Variants in TBL1X observed in about 807,000 individuals in gnomAD.
The protein encoded by TBL1X is transducin beta like 1 X-linked.
TBL1X carries 10 observed loss-of-function variants against 50.7 expected under a neutral mutation model. The ratio of observed to expected loss-of-function variants is 0.20; its 90% CI spans 0.12 to 0.33. TBL1X has a LOEUF of 0.33. Ranked by LOEUF, TBL1X falls within the 10% of genes least tolerant of loss-of-function variation. The probability of loss-of-function intolerance (pLI) is 1.00; values close to 1 mark genes in which losing one functional copy is unlikely to be tolerated. For synonymous variants in TBL1X, 190 were observed against 214.7 expected (o/e 0.88, Z 1.01); for missense variants, 340 against 504.4 (o/e 0.67, Z 3.12).
At chrX:9,561,088 A>G (rs1035541074) in intron 2 of TBL1X, among the ~76,000 whole-genome samples, 11 of 111,632 alleles carry the variant, frequency 9.9e-5, no homozygotes, top group African/African-American at 3.6e-4. Context: ...CTGTCTGTGT[A>G]GGCTAGAACA....
rs765757640 is a variant in TBL1X, at chrX:9,690,899, C to CTTG, written c.617-659_617-657dup. On this transcript the variant is annotated intron_variant, in intron 7 of 17. Transcript: ENST00000645353. Reference sequence around the variant, plus strand: ...GTGCACCACCAGGGCTGGCTAACTTCTTGTTGTTGTTGTTGTTGTTGTTTT... The same window carrying CTTG: ...GTGCACCACCAGGGCTGGCTAACTTCTTGTTGTTGTTGTTGTTGTTGTTGTTTT... Among the ~76,000 whole-genome samples the CTTG allele has an allele frequency of 8.5e-3, 937 of 110,295 alleles. 15 individuals are homozygous for CTTG. The highest frequency in any genetic ancestry group is 0.028 in the African/African-American group (855 of 30,246).
Position 9,597,441 on chromosome X carries a change from C to A in TBL1X, c.-130-42832C>A, listed in dbSNP as rs912016044. ...AAGTTCCTTTTGACTCTGCAGAAGTCTTTACCTTTCATCTCCTTTCTGAAA... is the reference window on the plus strand; with the variant it reads ...AAGTTCCTTTTGACTCTGCAGAAGTATTTACCTTTCATCTCCTTTCTGAAA... On this transcript the variant is annotated intron_variant, in intron 2 of 17. Transcript: ENST00000645353. Among the ~76,000 whole-genome samples, 5 of 111,645 alleles carry A rather than the reference C, an allele frequency of 4.5e-5. No individual in the cohort carries two copies. In the Admixed American group the frequency reaches 4.7e-4, roughly 11 times the overall value.
chrX:9,497,202 G>A (rs1281103194), intron 1 of TBL1X, among the ~76,000 whole-genome samples: 1 of 109,893 alleles, frequency 9.1e-6, no homozygotes, highest in African/African-American at 3.3e-5. Context: ...TGAGCCCAGG[G>A]GTTTGAGACC....
intron 3 of TBL1X, among the ~76,000 whole-genome samples, chrX:9,648,257 CATAAG>C (rs992102792): frequency 2.1e-5 from 2 of 93,936 alleles, no homozygotes; most frequent in Non-Finnish European, 4.6e-5. Flanking sequence ...TCATAACTGT[CATAAG>C]AAGTAATAGT....
chrX:9,605,687 G>A (rs761851901), intron 2 of TBL1X, among the ~76,000 whole-genome samples: 2 of 112,591 alleles, frequency 1.8e-5, no homozygotes, highest in East Asian at 5.6e-4. Context: ...CATGAATCTG[G>A]AAGGTAAATT....
At chrX:9,594,678 A>G in intron 2 of TBL1X, among the ~76,000 whole-genome samples, 1 of 112,162 alleles carries the variant, frequency 8.9e-6, no homozygotes, top group South Asian at 3.7e-4. Flanking sequence ...ATTCTATAAG[A>G]TGAGAGCTTC....
intron 2 of TBL1X, among the ~76,000 whole-genome samples, chrX:9,535,400 G>T (rs1232859242): frequency 8.9e-6 from 1 of 112,037 alleles, no homozygotes; most frequent in Non-Finnish European, 1.9e-5. Flanking sequence ...GTGTGCAGAG[G>T]AATAAACTTT....
At position 9,694,377 on chromosome X, in the gene TBL1X, C is replaced by T. The variant is rs1223518447; in HGVS notation, c.1053+958C>T. The stretch of plus-strand genomic sequence containing the variant: ...GATTTCAGGATAACTTGAAAACTTA[C>T]TAGGTCTTGAAGTTCGAGACCAGCC... On this transcript the variant is annotated intron_variant, in intron 11 of 17. Transcript: ENST00000645353. Among the ~76,000 whole-genome samples, 8 of 111,783 alleles carry T rather than the reference C, an allele frequency of 7.2e-5. No individual in the cohort carries two copies. The East Asian group carries it at 2.2e-3, about 31-fold the overall frequency.
intron 12 of TBL1X, 132 bp from the exon 13 acceptor site, chrX:9,704,861 A>G: frequency 9.7e-7 from 1 of 1,025,666 alleles, no homozygotes; most frequent in Admixed American, 2.7e-5. Context: ...CCTGGGTGAC[A>G]GAGCAGGCCC....
chrX:9,574,639 A>T (rs1243930265), intron 2 of TBL1X, among the ~76,000 whole-genome samples: 2 of 110,036 alleles, frequency 1.8e-5, no homozygotes, highest in Non-Finnish European at 3.8e-5. Context: ...ACAGCCTTGA[A>T]AATGTTACCA....
chrX:9,677,156 C>CT (rs761874454), intron 5 of TBL1X, among the ~76,000 whole-genome samples: 1 of 111,243 alleles, frequency 9.0e-6, no homozygotes, highest in Non-Finnish European at 1.9e-5. Flanking sequence ...CCTCCACCAC[C>CT]TTGTCCCAGC....
chrX:9,562,762 A>T (rs2082330623), intron 2 of TBL1X, among the ~76,000 whole-genome samples: 1 of 102,373 alleles, frequency 9.8e-6, no homozygotes, highest in Admixed American at 9.8e-5. Context: ...CAAAGCAGAA[A>T]AAAAAAAAAT....
At chrX:9,472,623 A>C (rs1244738961) in intron 1 of TBL1X, among the ~76,000 whole-genome samples, 1 of 110,169 alleles carries the variant, frequency 9.1e-6, no homozygotes, top group Non-Finnish European at 1.9e-5. Context: ...AGACCATATA[A>C]AATAATTTTA....
chrX:9,625,037 A>G (rs1039697419), intron 2 of TBL1X, among the ~76,000 whole-genome samples: 2 of 112,489 alleles, frequency 1.8e-5, no homozygotes, highest in Non-Finnish European at 3.7e-5. Flanking sequence ...ATTTGAAACT[A>G]CAGCTTCACT....
At chrX:9,673,699 T>A (rs959739046) in intron 5 of TBL1X, among the ~76,000 whole-genome samples, 2 of 112,753 alleles carry the variant, frequency 1.8e-5, no homozygotes, top group Non-Finnish European at 3.7e-5. Flanking sequence ...TGCTACGTGA[T>A]GCTTTCAAAT....
intron 12 of TBL1X, among the ~76,000 whole-genome samples, chrX:9,702,384 G>T (rs990852689): frequency 3.7e-5 from 4 of 106,796 alleles, no homozygotes; most frequent in Non-Finnish European, 7.7e-5. Flanking sequence ...TGAGGGTACA[G>T]TGAGCCAAGA....
chrX:9,575,178 T>C lies in TBL1X; in HGVS notation c.-130-65095T>C, dbSNP rs143345758. On this transcript the variant is annotated intron_variant, in intron 2 of 17. Transcript: ENST00000645353. ...AGAGAGAGTGAGAGGGGAAGCGCCA[T>C]ACTTCTAAACCATTAGATCTCGTGA... Among the ~76,000 whole-genome samples the C allele has an allele frequency of 5.4e-5, 6 of 111,142 alleles. No homozygotes were observed. The East Asian group carries it at 1.7e-3, about 32-fold the overall frequency.
At chrX:9,622,686 G>C (rs1170683765) in intron 2 of TBL1X, among the ~76,000 whole-genome samples, 1 of 111,543 alleles carries the variant, frequency 9.0e-6, no homozygotes, top group Non-Finnish European at 1.9e-5. Flanking sequence ...ATTTTTAGTA[G>C]AGATGGGGTT....
At chrX:9,536,069 G>A (rs1259601950) in intron 2 of TBL1X, among the ~76,000 whole-genome samples, 5 of 111,640 alleles carry the variant, frequency 4.5e-5, no homozygotes, top group Non-Finnish European at 7.5e-5. Flanking sequence ...ATGAACTCTG[G>A]CCATTTGAAG....
Sources: gnomAD v4.1 joint callset for allele counts (sites outside exome capture counted in the v4.1 genomes callset) on GRCh38, gnomAD v4.1.1 for gene constraint, MANE v1.5 for transcripts, NCBI Gene and HGNC (gene_info 2026-07-23, HGNC 2026-07-21) for gene names.